LATS2: variants seen among roughly 807,000 people sequenced by gnomAD.
LATS2 encodes large tumor suppressor kinase 2, also known as serine/threonine-protein kinase LATS2.
A neutral mutation model predicts 76.0 loss-of-function variants in LATS2; 24 were observed. The ratio of observed to expected loss-of-function variants is 0.32; its 90% CI spans 0.23 to 0.44. The LOEUF (loss-of-function observed/expected upper bound fraction) is 0.44, where lower values mean the gene tolerates loss of function less well. Ranked by LOEUF, LATS2 falls within the 20% of genes least tolerant of loss-of-function variation. LATS2 has a pLI of 1.00. For synonymous variants in LATS2, 692 were observed against 635.4 expected, an observed-to-expected ratio of 1.09 and a Z score of -1.34; for missense variants, 1,286 against 1,481.2, an observed-to-expected ratio of 0.87 and a Z score of 2.16.
intron 2 of LATS2, among the ~76,000 whole-genome samples, chr13:21,013,061 G>T (rs1555225843): frequency 6.6e-6 from 1 of 152,128 alleles, no homozygotes; most frequent in African/African-American, 2.4e-5. Context: ...GCAGTGTAAG[G>T]CTCTGTTCTA....
chr13:21,018,948 G>A (rs1447395861), intron 2 of LATS2, among the ~76,000 whole-genome samples: 1 of 152,024 alleles, frequency 6.6e-6, no homozygotes, highest in Non-Finnish European at 1.5e-5. Flanking sequence ...GCCTGGACCC[G>A]AGTCCCTCTT....
In LATS2 at chr13:20,988,368, G is replaced by A; in HGVS notation, c.1412C>T (p.Pro471Leu). ...CGGGGCGGGGGCGGGGGCGGGGGCC[G>A]GGGCAGGCGCGGGCACCCAGGCGGG... is the stretch of plus-strand genomic sequence containing the variant. ...SHPAWVPAPAPAPAPAPAPAA... is the reference protein window; with the variant it reads ...SHPAWVPAPALAPAPAPAPAA... The change falls in exon 4 of 8, where the codon CCG (proline) becomes CTG (leucine). Residue 471 changes from proline (P) to leucine (L), a missense_variant. Pro to Leu is a moderately conservative substitution (Grantham distance 98). Coordinates refer to ENST00000382592, the MANE Select transcript of LATS2 (RefSeq NM_014572.3). 2.2e-6 allele frequency: 3 copies of A among 1,359,004 alleles called. No homozygotes were observed. The highest frequency in any genetic ancestry group is 3.0e-5 in the East Asian group (1 of 32,874). 84.2% of individuals were successfully genotyped at this position (1,359,004 alleles called of 1,614,324 possible).
intron 2 of LATS2, among the ~76,000 whole-genome samples, chr13:20,994,308 C>T (rs1870645577): frequency 6.6e-6 from 1 of 152,180 alleles, no homozygotes; most frequent in Admixed American, 6.5e-5. Context: ...GTCCATCAAC[C>T]CTTCTTTAGC....
At chr13:21,000,746 A>T (rs906576124) in intron 2 of LATS2, among the ~76,000 whole-genome samples, 16 of 152,318 alleles carry the variant, frequency 1.1e-4, no homozygotes, top group Admixed American at 9.2e-4. Context: ...AACTCTAACA[A>T]ATCTACCACT....
chr13:21,020,592 T>C (rs1446980882), intron 2 of LATS2, among the ~76,000 whole-genome samples: 1 of 152,244 alleles, frequency 6.6e-6, no homozygotes. Flanking sequence ...AATGTTGTCC[T>C]GCTTAAAACA....
At chr13:21,030,998 GGTGTATTTTTTTCTTCA>G (rs571375575) in intron 2 of LATS2, among the ~76,000 whole-genome samples, 2 of 151,848 alleles carry the variant, frequency 1.3e-5, no homozygotes, top group African/African-American at 4.8e-5. Flanking sequence ...TAAAATTCTC[GGTGTATTTTTTTCTTCA>G]GCACTTTGTG....
chr13:21,045,618 C>G, intron 2 of LATS2, 67 bp downstream of exon 2: 1 of 1,302,968 alleles, frequency 7.7e-7, no homozygotes, highest in Non-Finnish European at 1.1e-6. Flanking sequence ...AGTTGCCAAA[C>G]CATTCTGACT....
At chr13:21,020,729 C>G (rs1179811198) in intron 2 of LATS2, among the ~76,000 whole-genome samples, 1 of 152,160 alleles carries the variant, frequency 6.6e-6, no homozygotes, top group Admixed American at 6.5e-5. Flanking sequence ...CTTTTTTCCA[C>G]TAGGAAGGCT....
chr13:21,047,791 C>T (rs1429273050), intron 1 of LATS2, among the ~76,000 whole-genome samples: 1 of 151,800 alleles, frequency 6.6e-6, no homozygotes, highest in Non-Finnish European at 1.5e-5. Context: ...AGATCTATTG[C>T]ACAACCATAT....
At chr13:20,975,443 T>TTTCAA in intron 7 of LATS2, 79 bp from the exon 8 acceptor site, 1 of 1,411,730 alleles carries the variant, frequency 7.1e-7, no homozygotes, top group Non-Finnish European at 9.5e-7. Context: ...ATGACGTGAC[T>TTTCAA]TTCAAATATG....
At chr13:20,992,748 T>C (rs1870559528) in intron 2 of LATS2, among the ~76,000 whole-genome samples, 1 of 151,420 alleles carries the variant, frequency 6.6e-6, no homozygotes, top group Non-Finnish European at 1.5e-5. Context: ...AAGAAAGGGG[T>C]GGAGATGGCT....
intron 1 of LATS2, among the ~76,000 whole-genome samples, chr13:21,050,853 C>A (rs1873248353): frequency 1.3e-5 from 2 of 152,178 alleles, no homozygotes; most frequent in Admixed American, 1.3e-4. Context: ...TGTACAGCAC[C>A]AACAACTCTC....
chr13:20,992,408 G>C (rs1421947015), intron 2 of LATS2, among the ~76,000 whole-genome samples: 1 of 152,144 alleles, frequency 6.6e-6, no homozygotes, highest in African/African-American at 2.4e-5. Flanking sequence ...GCACTCAGAT[G>C]GGGGAGACAG....
intron 6 of LATS2, 141 bp from the exon 7 acceptor site, chr13:20,979,938 T>C (rs2138267710): frequency 2.2e-6 from 1 of 456,710 alleles, no homozygotes. Flanking sequence ...GATGGACCTA[T>C]GTAAGTACCT....
intron 2 of LATS2, among the ~76,000 whole-genome samples, chr13:21,003,925 A>T (rs1412518652): frequency 1.3e-5 from 2 of 152,136 alleles, no homozygotes; most frequent in Non-Finnish European, 2.9e-5. Context: ...AAAGTAAATA[A>T]TTGGTTGGGT....
chr13:21,015,322 C>G (rs541702620), intron 2 of LATS2, among the ~76,000 whole-genome samples: 1 of 152,284 alleles, frequency 6.6e-6, no homozygotes, highest in East Asian at 1.9e-4. Context: ...CAGGATCCTG[C>G]CCTGGAAGAA....
chr13:21,059,560 A>C (rs1419223754), intron 1 of LATS2, among the ~76,000 whole-genome samples: 8 of 146,746 alleles, frequency 5.5e-5, no homozygotes, highest in African/African-American at 1.3e-4. Flanking sequence ...GCGCCACTGC[A>C]CTCCAGCCTG....
intron 4 of LATS2, among the ~76,000 whole-genome samples, chr13:20,984,875 G>A (rs1315318162): frequency 6.6e-6 from 1 of 152,068 alleles, no homozygotes; most frequent in Non-Finnish European, 1.5e-5. Flanking sequence ...TAGGCAAAAA[G>A]AACAAAATTG....
intron 2 of LATS2, among the ~76,000 whole-genome samples, chr13:20,994,765 G>A (rs1041956163): frequency 1.3e-5 from 2 of 151,364 alleles, no homozygotes; most frequent in African/African-American, 4.9e-5. Context: ...GCGCATGCCT[G>A]TAATCCCAGC....
Sources: gnomAD v4.1 joint callset for allele counts (sites outside exome capture counted in the v4.1 genomes callset) on GRCh38, gnomAD v4.1.1 for gene constraint, MANE v1.5 for transcripts, NCBI Gene and HGNC (gene_info 2026-07-23, HGNC 2026-07-21) for gene names.